The following KLRD1 variants were observed in gnomAD, a reference collection of about 807,000 sequenced individuals.
KLRD1 encodes natural killer cells antigen CD94.
In KLRD1, 21 loss-of-function variants were observed where a neutral mutation model predicts 22.6. That is an observed-to-expected ratio of 0.93 (90% CI 0.66 to 1.34). The LOEUF (loss-of-function observed/expected upper bound fraction) is 1.34. Ranked by LOEUF, KLRD1 falls within the 40% of genes most tolerant of loss-of-function variation. KLRD1 has a pLI of 0.00. For synonymous variants in KLRD1, 59 were observed against 71.1 expected, an observed-to-expected ratio of 0.83 and a Z score of 0.85; for missense variants, 183 against 208.6, an observed-to-expected ratio of 0.88 and a Z score of 0.76.
intron 1 of KLRD1, among the ~76,000 whole-genome samples, chr12:10,247,688 A>G (rs931748932): frequency 1.2e-4 from 18 of 152,156 alleles, no homozygotes; most frequent in African/African-American, 4.1e-4. Context: ...GGAGGGACCA[A>G]GTGGGAAGGT....
At chr12:10,252,049 C>T (rs1013078901) in intron 1 of KLRD1, among the ~76,000 whole-genome samples, 1 of 152,124 alleles carries the variant, frequency 6.6e-6, no homozygotes, top group African/African-American at 2.4e-5. Context: ...ACCAGTTCCT[C>T]AGAGGAAACA....
At position 10,257,503 on chromosome 12, in the gene KLRD1, T is replaced by C. The variant is rs1296455106; in HGVS notation, c.-101+31270T>C. Among the ~76,000 whole-genome samples, 190 of 91,716 alleles carry C rather than the reference T, an allele frequency of 2.1e-3. 1 individual carries two copies. The highest frequency in any genetic ancestry group is 6.4e-3 in the African/African-American group (176 of 27,288). 60.2% of individuals were successfully genotyped at this position (91,716 alleles called of 152,430 possible). A position where few individuals can be genotyped will look rare whatever the true frequency, so the allele number is the denominator to read the frequency against. On this transcript the variant is annotated intron_variant, in intron 1 of 5. Coordinates refer to the KLRD1 transcript ENST00000544747. ...GATTCTTTTTTTTTTTTTTTTTTTT[T>C]GTAGTAACAGTATATTTTTCAGTTC...
In KLRD1 at chr12:10,315,215, C is replaced by A; in HGVS notation, c.*422C>A. 1 of 410,670 alleles carries A rather than the reference C, an allele frequency of 2.4e-6. No homozygotes were observed. The highest frequency in any genetic ancestry group is 1.7e-5 in the South Asian group (1 of 57,850). The allele number at this position is 410,670 out of a possible 1,614,324, so 25.4% of individuals were successfully genotyped here. On this transcript the variant is annotated 3_prime_UTR_variant, in exon 6 of 6. Coordinates refer to ENST00000336164, the MANE Select transcript of KLRD1 (RefSeq NM_002262.5). The stretch of plus-strand genomic sequence containing the variant: ...TGGCAAGATCATAGCTCATTGCAAG[C>A]TCAAGTGATCCTCCTGACTCAGCCT...
chr12:10,257,343 A>T (rs530439529), intron 1 of KLRD1, among the ~76,000 whole-genome samples: 1 of 149,934 alleles, frequency 6.7e-6, no homozygotes, highest in South Asian at 2.1e-4. Context: ...ATTCTATGAC[A>T]CTTATAATGG....
chr12:10,304,283 C>T (rs1592075799), upstream of KLRD1, among the ~76,000 whole-genome samples: 1 of 152,188 alleles, frequency 6.6e-6, no homozygotes, highest in Non-Finnish European at 1.5e-5. Context: ...TTTGTGGCTG[C>T]ACCGTTTACA....
chr12:10,296,320 TC>T (rs929275266), intron 1 of KLRD1, among the ~76,000 whole-genome samples: 26 of 152,048 alleles, frequency 1.7e-4, no homozygotes, highest in Admixed American at 5.9e-4. Flanking sequence ...ATCGAGACCA[TC>T]CTGGCTAACA....
At chr12:10,307,575 G>A (rs1440914898), upstream of KLRD1, among the ~76,000 whole-genome samples, 1 of 152,128 alleles carries the variant, frequency 6.6e-6, no homozygotes, top group Non-Finnish European at 1.5e-5. Flanking sequence ...ATTGTGTTAA[G>A]TACAAGGTAA....
chr12:10,269,665 A>G (rs990822228), intron 1 of KLRD1, among the ~76,000 whole-genome samples: 1 of 152,180 alleles, frequency 6.6e-6, no homozygotes, highest in Non-Finnish European at 1.5e-5. Flanking sequence ...TTTCTATACT[A>G]AAATAGTTCA....
chr12:10,282,899 G>A (rs1328263014), intron 1 of KLRD1, among the ~76,000 whole-genome samples: 1 of 152,220 alleles, frequency 6.6e-6, no homozygotes, highest in Non-Finnish European at 1.5e-5. Flanking sequence ...GGCTAGATCA[G>A]AGGGAGGGAC....
intron 1 of KLRD1, among the ~76,000 whole-genome samples, chr12:10,270,986 G>A (rs60740683): frequency 0.012 from 1,819 of 151,990 alleles, 37 homozygotes; most frequent in African/African-American, 0.042. Context: ...GTTTCACCAT[G>A]TTGGCCAGGC....
rs1257949882 is a variant in KLRD1, at chr12:10,328,146, G to A, written c.*13353G>A. 6.6e-6 allele frequency: 1 copy of A among 151,978 alleles called. No individual in the cohort carries two copies. Among genetic ancestry groups the A allele is most frequent in the African/African-American group, 2.4e-5 (1 of 41,388 alleles). The allele number at this position is 151,978 out of a possible 1,614,324, so 9.4% of individuals were successfully genotyped here. The stretch of plus-strand genomic sequence containing the variant: ...TCTTGTGGTATCTTTGACAAGCTTT[G>A]GTGTAATGGTAATGCTGGCCACATA... On this transcript the variant is annotated 3_prime_UTR_variant, in exon 6 of 6. Transcript: ENST00000336164.
chr12:10,293,951 A>T (rs1302025522), intron 1 of KLRD1, among the ~76,000 whole-genome samples: 2 of 152,222 alleles, frequency 1.3e-5, no homozygotes, highest in Non-Finnish European at 2.9e-5. Context: ...CAGTATTTTT[A>T]TTCCCTTGGT....
At chr12:10,243,994 A>G (rs550100220) in intron 1 of KLRD1, among the ~76,000 whole-genome samples, 1 of 152,236 alleles carries the variant, frequency 6.6e-6, no homozygotes, top group East Asian at 1.9e-4. Context: ...TTGCCTGTCT[A>G]TGTGGTTAGA....
intron 1 of KLRD1, among the ~76,000 whole-genome samples, chr12:10,245,430 A>T (rs1949281957): frequency 6.6e-6 from 1 of 152,236 alleles, no homozygotes; most frequent in Non-Finnish European, 1.5e-5. Context: ...CAATTGGAAC[A>T]ACTAATAGTC....
At chr12:10,311,187 A>G (rs184475585) in intron 3 of KLRD1, among the ~76,000 whole-genome samples, 1 of 152,278 alleles carries the variant, frequency 6.6e-6, no homozygotes, top group Admixed American at 6.5e-5. Flanking sequence ...TAACATACTT[A>G]ATTTTTTTGT....
chr12:10,313,478 G>A lies in KLRD1; in HGVS notation c.384G>A (p.Trp128Ter), dbSNP rs1485482184. The change falls in exon 5 of 6, where the codon TGG becomes TGA. Residue 128 changes from tryptophan to a stop codon, truncating the protein, a stop_gained. Coordinates refer to ENST00000336164, the MANE Select transcript of KLRD1 (RefSeq NM_002262.5). LOFTEE classifies it low-confidence loss of function (END_TRUNC). ...CTTACAGTGAGGAGCACACCGCCTG[G>A]TTGTGGGAGAATGGCTCTGCACTCT... The part of the protein sequence containing the change: ...GLSYSEEHTA[W>*]LWENGSALSQ... The A allele has an allele frequency of 1.2e-6, 2 of 1,608,292 alleles. No homozygotes were observed. Among genetic ancestry groups the A allele is most frequent in the African/African-American group, 1.3e-5 (1 of 74,604 alleles).
intron 1 of KLRD1, among the ~76,000 whole-genome samples, chr12:10,268,225 C>T (rs377710083): frequency 2.0e-5 from 3 of 152,190 alleles, no homozygotes; most frequent in Non-Finnish European, 4.4e-5. Flanking sequence ...CTCAGTGAGC[C>T]GAGATATTCA....
chr12:10,270,691 A>G (rs899435032), intron 1 of KLRD1, among the ~76,000 whole-genome samples: 1 of 152,160 alleles, frequency 6.6e-6, no homozygotes, highest in African/African-American at 2.4e-5. Context: ...GCTGTTTATG[A>G]ACTAACAAGT....
intron 1 of KLRD1, among the ~76,000 whole-genome samples, chr12:10,271,559 T>C (rs1949549996): frequency 6.6e-6 from 1 of 152,196 alleles, no homozygotes; most frequent in Non-Finnish European, 1.5e-5. Flanking sequence ...GAGTTTTAAA[T>C]GGTTTTTACC....
Sources: gnomAD v4.1 joint callset for allele counts (sites outside exome capture counted in the v4.1 genomes callset) on GRCh38, gnomAD v4.1.1 for gene constraint, MANE v1.5 for transcripts, NCBI Gene and HGNC (gene_info 2026-07-23, HGNC 2026-07-21) for gene names.